CD48: variants seen among roughly 807,000 people sequenced by gnomAD.
CD48 encodes CD48 molecule.
CD48 carries 20 observed loss-of-function variants against 22.0 expected under a neutral mutation model. The observed-to-expected ratio is 0.91, with a 90% CI of 0.64 to 1.32. CD48 has a LOEUF of 1.32. Among genes scored for constraint, CD48 ranks in the 40% most tolerant of loss-of-function variants. The pLI is 0.00. For missense variants in CD48, 307 were observed against 286.5 expected (o/e 1.07, Z -0.52); for synonymous variants, 110 against 110.1 (o/e 1.00, Z 0.01).
intron 1 of CD48, chr1:160,692,056 G>A (rs1235594824): frequency 6.0e-6 from 1 of 166,862 alleles, no homozygotes; most frequent in African/African-American, 2.4e-5. Context: ...AGGAAATTTA[G>A]ATCTAGAAGA....
At chr1:160,682,284 A>G (rs1338144484) in intron 2 of CD48, among the ~76,000 whole-genome samples, 1 of 84,882 alleles carries the variant, frequency 1.2e-5, no homozygotes, top group Non-Finnish European at 2.5e-5. Flanking sequence ...CTCAGTTTCT[A>G]AAAAAAAAAA....
Position 160,711,678 on chromosome 1 carries a change from G to C in CD48, c.82+4C>G. The stretch of plus-strand genomic sequence containing the variant: ...ATCACAGATACACAGTTGGTGGAAA[G>C]TACCTTGAATGCTGGTCACCAGGAG... On this transcript the variant is annotated splice_donor_region_variant and intron_variant, in intron 1 of 3. Coordinates refer to ENST00000368046, the MANE Select transcript of CD48 (RefSeq NM_001778.4). 1.2e-6 allele frequency: 2 copies of C among 1,608,074 alleles called. No homozygotes were observed. Among genetic ancestry groups the C allele is most frequent in the South Asian group, 2.2e-5 (2 of 90,964 alleles).
chr1:160,697,773 A>G (rs1068545), intron 1 of CD48, among the ~76,000 whole-genome samples: 151,653 of 151,812 alleles, frequency 1, 75,747 homozygotes, highest in Middle Eastern at 1. Flanking sequence ...AATGAATTCG[A>G]AACTATTATA....
intron 1 of CD48, chr1:160,699,795 G>GT (rs1662566981): frequency 6.6e-6 from 1 of 151,654 alleles, no homozygotes; most frequent in Non-Finnish European, 1.5e-5. Context: ...CTATTGTCTT[G>GT]TGACCCTGAC....
At chr1:160,696,579 T>C (rs2085600368) in intron 1 of CD48, among the ~76,000 whole-genome samples, 1 of 151,774 alleles carries the variant, frequency 6.6e-6, no homozygotes, top group Non-Finnish European at 1.5e-5. Context: ...CAAAAGATAT[T>C]GTACAACATT....
At chr1:160,688,724 C>G (rs1315890794) in intron 1 of CD48, among the ~76,000 whole-genome samples, 1 of 152,138 alleles carries the variant, frequency 6.6e-6, no homozygotes, top group African/African-American at 2.4e-5. Flanking sequence ...TGGGGAGTAT[C>G]ATACGAGGCT....
intron 1 of CD48, among the ~76,000 whole-genome samples, chr1:160,692,478 G>A (rs990332684): frequency 3.3e-5 from 5 of 152,108 alleles, no homozygotes; most frequent in Non-Finnish European, 5.9e-5. Flanking sequence ...AACCTCAAGC[G>A]CAGGTTAGAG....
intron 1 of CD48, chr1:160,686,638 G>A (rs1375956448): frequency 6.6e-6 from 1 of 152,204 alleles, no homozygotes; most frequent in Non-Finnish European, 1.5e-5. Context: ...TAAAGGGACA[G>A]AGTACAAAAG....
chr1:160,700,232 T>G (rs1662583907), intron 1 of CD48, among the ~76,000 whole-genome samples: 1 of 152,212 alleles, frequency 6.6e-6, no homozygotes, highest in Admixed American at 6.5e-5. Context: ...GAAGTCATTT[T>G]TATAAAATCA....
At chr1:160,693,546 AT>A (rs1451530436) in intron 1 of CD48, among the ~76,000 whole-genome samples, 4 of 152,308 alleles carry the variant, frequency 2.6e-5, no homozygotes, top group Non-Finnish European at 4.4e-5. Flanking sequence ...CAAATTGGTC[AT>A]TTAAAAAAGA....
rs368797595 is a variant in CD48, at chr1:160,691,971, A to G, written c.83-6782T>C. On this transcript the variant is annotated intron_variant, in intron 1 of 3. Coordinates refer to ENST00000368046, the MANE Select transcript of CD48 (RefSeq NM_001778.4). ...TTAAAATTCTTTTAAAAAGAGGGGG[A>G]GTTAGAGTATCCACCAAAAATCTAA... 1.7e-4 allele frequency: 39 copies of G among 227,334 alleles called. No individual in the cohort carries two copies. In the South Asian group the frequency reaches 6.6e-3, roughly 39 times the overall value. 14.1% of individuals were successfully genotyped at this position (227,334 alleles called of 1,614,324 possible). A position where few individuals can be genotyped will look rare whatever the true frequency, so the allele number is the denominator to read the frequency against.
At chr1:160,710,572 A>C (rs1324406413) in intron 1 of CD48, among the ~76,000 whole-genome samples, 3 of 152,216 alleles carry the variant, frequency 2.0e-5, no homozygotes. Context: ...GCCTAGAGAA[A>C]GTCCTAAAAT....
At chr1:160,702,559 C>T (rs1209115734) in intron 1 of CD48, among the ~76,000 whole-genome samples, 1 of 152,138 alleles carries the variant, frequency 6.6e-6, no homozygotes, top group Non-Finnish European at 1.5e-5. Flanking sequence ...ACCTTTGCGA[C>T]AACGTGGGCA....
chr1:160,680,185 T>G (rs1661743334), intron 3 of CD48, among the ~76,000 whole-genome samples: 1 of 152,178 alleles, frequency 6.6e-6, no homozygotes, highest in Non-Finnish European at 1.5e-5. Context: ...TGTGAGCACC[T>G]CAGGTCTGAG....
rs1241446887 is a variant in CD48 at position 160,684,926 on chromosome 1, C to T, written c.346G>A (p.Gly116Arg). ...TTGATCTTCCATTCTTGCTCATTCC[C>T]AGTCTTTTTCAACACCCTCATGATG... Reference protein sequence around the residue: ...TYIMRVLKKTGNEQEWKIKLQ... With the variant: ...TYIMRVLKKTRNEQEWKIKLQ... Residue 116 changes from glycine (G) to arginine (R), a missense_variant, in exon 2 of 4, where the codon GGG (glycine) becomes AGG (arginine). Physicochemically the swap from Gly to Arg is moderately radical, Grantham distance 125. Transcript: ENST00000368046. 1 of 1,614,048 alleles carries T rather than the reference C, an allele frequency of 6.2e-7. No individual in the cohort carries two copies. Among genetic ancestry groups the T allele is most frequent in the African/African-American group, 1.3e-5 (1 of 74,904 alleles).
chr1:160,686,297 C>G (rs1039751174), intron 1 of CD48, among the ~76,000 whole-genome samples: 3 of 152,100 alleles, frequency 2.0e-5, no homozygotes, highest in African/African-American at 7.2e-5. Context: ...CAGAGAAAAA[C>G]TTTCACTTCT....
chr1:160,678,755 T>C lies in CD48; in HGVS notation c.*297A>G, dbSNP rs905217180. On this transcript the variant is annotated 3_prime_UTR_variant, in exon 4 of 4. Coordinates refer to ENST00000368046, the MANE Select transcript of CD48 (RefSeq NM_001778.4). ...GGGACAACTTCAGGAATTCAGTTAA[T>C]TGACAATTATATCAAATGTTTATTT... The C allele has an allele frequency of 4.0e-6, 1 of 250,762 alleles. No individual in the cohort carries two copies. Among genetic ancestry groups the C allele is most frequent in the African/African-American group, 2.3e-5 (1 of 43,864 alleles). The allele number at this position is 250,762 out of a possible 1,614,324, so 15.5% of individuals were successfully genotyped here.
At chr1:160,697,398 G>C (rs1368204895) in intron 1 of CD48, among the ~76,000 whole-genome samples, 601 of 93,400 alleles carry the variant, frequency 6.4e-3, no homozygotes, top group South Asian at 0.013. Context: ...TGGGTACCTG[G>C]CCCCACAGAT....
Position 160,704,403 on chromosome 1 carries a change from T to C in CD48, c.82+7279A>G, listed in dbSNP as rs185084835. On this transcript the variant is annotated intron_variant, in intron 1 of 3. Transcript: ENST00000368046. ...AAGTACTTAGTTGGGGTTAGCGGGA[T>C]ACATGTATGAGGGTTGCAAACTCTT... 1.5e-4 allele frequency among the ~76,000 whole-genome samples: 22 copies of C among 151,624 alleles called. 1 individual carries two copies. The highest frequency in any genetic ancestry group is 4.6e-4 in the African/African-American group (19 of 41,138).
Sources: allele counts gnomAD v4.1 joint callset (sites outside exome capture counted in the v4.1 genomes callset), GRCh38; gene constraint gnomAD v4.1.1; transcripts MANE v1.5; gene names NCBI Gene and HGNC (gene_info 2026-07-23, HGNC 2026-07-21).